The following EPHA6 variants were observed in gnomAD, a reference collection of about 807,000 sequenced individuals.
The protein encoded by EPHA6 is ephrin type-A receptor 6.
In EPHA6, 50 loss-of-function variants were observed where a neutral mutation model predicts 112.0. That is an observed-to-expected ratio of 0.45 (90% CI 0.36 to 0.56). The LOEUF (loss-of-function observed/expected upper bound fraction) is 0.56. Ranked by LOEUF, EPHA6 falls within the 20% of genes least tolerant of loss-of-function variation. The pLI, the probability that EPHA6 is intolerant of heterozygous loss-of-function variation, is 0.00. For synonymous variants in EPHA6, 529 were observed against 490.7 expected (o/e 1.08, Z -1.03); for missense variants, 1,280 against 1,417.4 (o/e 0.90, Z 1.56).
At chr3:97,472,076 T>C (rs2091246142) in intron 7 of EPHA6, among the ~76,000 whole-genome samples, 1 of 151,712 alleles carries the variant, frequency 6.6e-6, no homozygotes, top group South Asian at 2.1e-4. Context: ...AGGACACTTG[T>C]CATTGGATAT....
chr3:97,323,031 C>T (rs2082193241), intron 5 of EPHA6, among the ~76,000 whole-genome samples: 1 of 151,872 alleles, frequency 6.6e-6, no homozygotes, highest in South Asian at 2.1e-4. Flanking sequence ...AAATTGGACC[C>T]CTTAGGGTAT....
intron 2 of EPHA6, among the ~76,000 whole-genome samples, chr3:96,869,222 G>A (rs1183835272): frequency 6.6e-6 from 1 of 151,802 alleles, no homozygotes; most frequent in Non-Finnish European, 1.5e-5. Flanking sequence ...ACCCTCAAGG[G>A]GTATTGAAGC....
chr3:97,611,597 G>T (rs185698649), intron 13 of EPHA6, among the ~76,000 whole-genome samples: 47 of 151,748 alleles, frequency 3.1e-4, no homozygotes, highest in Middle Eastern at 3.4e-3. Context: ...AAAAATAAAT[G>T]CTATAGTAAA....
At chr3:96,925,244 C>G (rs2039973518) in intron 2 of EPHA6, among the ~76,000 whole-genome samples, 1 of 152,046 alleles carries the variant, frequency 6.6e-6, no homozygotes, top group Admixed American at 6.6e-5. Flanking sequence ...TTGTGCCTCT[C>G]ATTAAATTCA....
chr3:97,709,855 A>T (rs945643279), intron 14 of EPHA6, among the ~76,000 whole-genome samples: 1 of 152,142 alleles, frequency 6.6e-6, no homozygotes, highest in Admixed American at 6.5e-5. Context: ...GCCACCATGT[A>T]AGACATGCCT....
At chr3:97,364,098 G>A (rs1415663246) in intron 5 of EPHA6, among the ~76,000 whole-genome samples, 1 of 151,994 alleles carries the variant, frequency 6.6e-6, no homozygotes, top group Non-Finnish European at 1.5e-5. Context: ...TGGCTACATA[G>A]TAGTATAAAT....
chr3:97,585,128 T>C (rs2093476185), intron 11 of EPHA6, among the ~76,000 whole-genome samples: 1 of 152,148 alleles, frequency 6.6e-6, no homozygotes, highest in Non-Finnish European at 1.5e-5. Flanking sequence ...TTAGGGAAAA[T>C]ACATGCTTCA....
chr3:97,618,630 A>G (rs895212730), intron 13 of EPHA6, among the ~76,000 whole-genome samples: 1 of 152,142 alleles, frequency 6.6e-6, no homozygotes, highest in Admixed American at 6.6e-5. Context: ...AATACTATAA[A>G]CACCTCTATT....
rs536360106 is a variant in EPHA6 at position 97,040,464 on chromosome 3, C to A, written c.1114+52471C>A. 2.0e-5 allele frequency among the ~76,000 whole-genome samples: 3 copies of A among 151,986 alleles called. No homozygotes were observed. In the South Asian group the frequency reaches 6.2e-4, roughly 32 times the overall value. ...GAGAAACAAACAAAAGATAATAGAT[C>A]TTTATTAAGGTGTGTAAGCCATTTT... is the stretch of plus-strand genomic sequence containing the variant. On this transcript the variant is annotated intron_variant, in intron 3 of 17. Coordinates refer to ENST00000389672, the MANE Select transcript of EPHA6 (RefSeq NM_001080448.3).
intron 5 of EPHA6, among the ~76,000 whole-genome samples, chr3:97,299,798 T>TA (rs1464822170): frequency 2.0e-5 from 3 of 152,188 alleles, no homozygotes; most frequent in Non-Finnish European, 4.4e-5. Context: ...AAACCCAGGA[T>TA]AAAAATTGTA....
At chr3:97,688,509 G>A (rs1248858581) in intron 14 of EPHA6, among the ~76,000 whole-genome samples, 1 of 147,354 alleles carries the variant, frequency 6.8e-6, no homozygotes, top group Non-Finnish European at 1.5e-5. Context: ...CTCACTCATA[G>A]GTGGGAACTG....
chr3:96,917,109 A>G (rs1177310585), intron 2 of EPHA6, among the ~76,000 whole-genome samples: 1 of 151,404 alleles, frequency 6.6e-6, no homozygotes, highest in East Asian at 2.0e-4. Context: ...ATTGCAACCC[A>G]GTTTACACAC....
chr3:96,828,588 TC>T (rs2033817206), intron 1 of EPHA6, among the ~76,000 whole-genome samples: 1 of 152,140 alleles, frequency 6.6e-6, no homozygotes. Flanking sequence ...TGTCCTTTGT[TC>T]CTGGAAATAA....
At chr3:97,437,097 T>C (rs766784449) in intron 6 of EPHA6, among the ~76,000 whole-genome samples, 1 of 151,984 alleles carries the variant, frequency 6.6e-6, no homozygotes, top group Non-Finnish European at 1.5e-5. Context: ...TGTTGGTGTA[T>C]TTTATGTGTG....
At chr3:97,683,824 T>TA (rs1325951381) in intron 14 of EPHA6, among the ~76,000 whole-genome samples, 2 of 152,164 alleles carry the variant, frequency 1.3e-5, no homozygotes, top group Non-Finnish European at 2.9e-5. Flanking sequence ...CACCCAGACT[T>TA]AACATTTCCA....
chr3:97,243,477 G>A (rs1330189083), intron 4 of EPHA6, among the ~76,000 whole-genome samples: 5 of 151,692 alleles, frequency 3.3e-5, no homozygotes, highest in East Asian at 1.9e-4. Flanking sequence ...AGTGATTTTC[G>A]GAGGTGATGA....
intron 1 of EPHA6, among the ~76,000 whole-genome samples, chr3:96,829,947 G>GCACACACA (rs1349079216): frequency 2.4e-4 from 17 of 70,460 alleles, no homozygotes; most frequent in South Asian, 1.4e-3. Flanking sequence ...GTGCGCGCGC[G>GCACACACA]CGCACACACA....
chr3:97,042,043 G>A (rs1034605058), intron 3 of EPHA6, among the ~76,000 whole-genome samples: 8 of 152,086 alleles, frequency 5.3e-5, no homozygotes. Context: ...GTTGTCCAGG[G>A]TATAATATCA....
chr3:97,588,179 G>T (rs567896635), intron 11 of EPHA6, among the ~76,000 whole-genome samples: 1 of 151,978 alleles, frequency 6.6e-6, no homozygotes, highest in East Asian at 1.9e-4. Flanking sequence ...TCTTTCTACC[G>T]CCCATCTTCC....
Sources: gnomAD v4.1 joint callset for allele counts (sites outside exome capture counted in the v4.1 genomes callset) on GRCh38, gnomAD v4.1.1 for gene constraint, MANE v1.5 for transcripts, NCBI Gene and HGNC (gene_info 2026-07-23, HGNC 2026-07-21) for gene names.